The following FRY variants were observed in gnomAD, a reference collection of about 807,000 sequenced individuals.
FRY encodes protein furry homolog.
In FRY, 128 loss-of-function variants were observed where a neutral mutation model predicts 348.4. The ratio of observed to expected loss-of-function variants is 0.37; its 90% CI spans 0.32 to 0.43. The LOEUF is 0.43. Ranked by LOEUF, FRY falls within the 20% of genes least tolerant of loss-of-function variation. FRY has a pLI of 1.00. For synonymous variants in FRY, 1,370 were observed against 1,374.7 expected, an observed-to-expected ratio of 1.00 and a Z score of 0.08; for missense variants, 2,736 against 3,695.2, an observed-to-expected ratio of 0.74 and a Z score of 6.73.
At chr13:32,263,499 G>A (rs1429980505) in intron 53 of FRY, among the ~76,000 whole-genome samples, 2 of 151,668 alleles carry the variant, frequency 1.3e-5, no homozygotes, top group Non-Finnish European at 2.9e-5. Context: ...AGGATTCTTG[G>A]AATTAGCAGA....
intron 7 of FRY, among the ~76,000 whole-genome samples, chr13:32,126,459 C>T (rs1879024337): frequency 6.6e-6 from 1 of 152,190 alleles, no homozygotes. Context: ...TATGGTCCAC[C>T]AAGTCAGTGT....
chr13:32,238,053 A>T (rs895905802), intron 44 of FRY, 67 bp downstream of exon 44: 27 of 1,546,568 alleles, frequency 1.7e-5, no homozygotes, highest in Middle Eastern at 1.7e-4. Flanking sequence ...TGGTACAATA[A>T]GATAATATGA....
Position 32,262,308 on chromosome 13 carries a change from A to G in FRY, c.7618-6A>G, listed in dbSNP as rs754191807. 5.0e-6 allele frequency: 8 copies of G among 1,611,590 alleles called. No individual in the cohort carries two copies. The Admixed American group carries it at 1.0e-4, about 20-fold the overall frequency. ...CTATGTTTAATTTCCTTTGCTTTTT[A>G]AACAGATCATGACTCTCTCCCCCTC... On this transcript the variant is annotated splice_region_variant and splice_polypyrimidine_tract_variant and intron_variant, in intron 52 of 60. Coordinates refer to ENST00000542859, the MANE Select transcript of FRY (RefSeq NM_023037.3).
rs373703923 is a variant in FRY at position 32,278,440 on chromosome 13, A to G, written c.8386-25A>G. 5.9e-5 allele frequency: 75 copies of G among 1,266,494 alleles called. No individual in the cohort carries two copies. In the African/African-American group the frequency reaches 9.8e-4, roughly 17 times the overall value. 78.5% of individuals were successfully genotyped at this position (1,266,494 alleles called of 1,614,324 possible). ...TCTCAGAACATTGCTGAATTTACCT[A>G]TGTCTTTCCCTCTCTTTCTGACAGT... On this transcript the variant is annotated intron_variant, in intron 57 of 60. Transcript: ENST00000542859.
At chr13:32,145,543 T>TTTTTTTTGAGACGGAGTCTG (rs1880373063) in intron 11 of FRY, among the ~76,000 whole-genome samples, 1 of 140,376 alleles carries the variant, frequency 7.1e-6, no homozygotes. Context: ...TTTTTTTTTT[T>TTTTTTTTGAGACGGAGTCTG]TTTTTTTTTT....
At chr13:32,257,887 G>A in intron 51 of FRY, 2 of 1,228,928 alleles carry the variant, frequency 1.6e-6, no homozygotes, top group Non-Finnish European at 2.4e-6. Context: ...TAAGAGAAAT[G>A]TTCTTGAGTA....
At chr13:32,266,150 A>C (rs1476734911) in intron 54 of FRY, among the ~76,000 whole-genome samples, 1 of 152,240 alleles carries the variant, frequency 6.6e-6, no homozygotes, top group Admixed American at 6.5e-5. Context: ...ATAATGCTAC[A>C]GATCTACTTC....
chr13:32,208,143 CA>C (rs565479863), intron 31 of FRY, among the ~76,000 whole-genome samples: 317 of 152,362 alleles, frequency 2.1e-3, no homozygotes, highest in African/African-American at 7.4e-3. Flanking sequence ...ACAGGGGACA[CA>C]CAGCCCTTGG....
chr13:32,187,615 T>C lies in FRY; in HGVS notation c.3550T>C (p.Tyr1184His), dbSNP rs1237938851. Residue 1184 changes from tyrosine (Y) to histidine (H), a missense_variant, in exon 28 of 61, where the codon TAT (tyrosine) becomes CAT (histidine). Tyr to His is a moderately conservative substitution (Grantham distance 83, BLOSUM62 2). Transcript: ENST00000542859. The part of the protein sequence containing the change: ...NVGLSPDGYL[Y>H]KWLDNILACQ... ...GGGCCTTTCCCCAGATGGCTACCTA[T>C]ATAAATGGCTTGACAACATTCTGGC... is the stretch of plus-strand genomic sequence containing the variant. The C allele has an allele frequency of 6.2e-7, 1 of 1,611,812 alleles. No individual in the cohort carries two copies. The highest frequency in any genetic ancestry group is 1.3e-5 in the African/African-American group (1 of 75,006).
intron 1 of FRY, among the ~76,000 whole-genome samples, chr13:32,055,032 T>C (rs1873548064): frequency 6.6e-6 from 1 of 152,108 alleles, no homozygotes; most frequent in Non-Finnish European, 1.5e-5. Context: ...TGTTTTACTA[T>C]TTATTTCTTT....
intron 30 of FRY, 57 bp from the exon 31 acceptor site, chr13:32,202,299 T>A: frequency 7.9e-6 from 10 of 1,272,230 alleles, no homozygotes; most frequent in Non-Finnish European, 1.2e-5. Context: ...CAAATGCTCA[T>A]GAGATATCCA....
chr13:32,037,176 C>G (rs903554368), intron 1 of FRY, among the ~76,000 whole-genome samples: 2 of 152,014 alleles, frequency 1.3e-5, no homozygotes, highest in African/African-American at 4.8e-5. Context: ...GTTCTGTGCC[C>G]TATGATCATT....
At chr13:32,104,899 C>T (rs1684173514) in intron 3 of FRY, among the ~76,000 whole-genome samples, 1 of 152,126 alleles carries the variant, frequency 6.6e-6, no homozygotes, top group Non-Finnish European at 1.5e-5. Context: ...CCTCATTCAC[C>T]CCTGTGCCAT....
chr13:32,126,928 A>G (rs1233887995), intron 7 of FRY, among the ~76,000 whole-genome samples: 3 of 152,212 alleles, frequency 2.0e-5, no homozygotes, highest in Non-Finnish European at 4.4e-5. Context: ...TGCTTATTAA[A>G]TATTTTCCTG....
At chr13:32,073,721 ATGAG>A (rs1476136899) in intron 1 of FRY, among the ~76,000 whole-genome samples, 1 of 152,220 alleles carries the variant, frequency 6.6e-6, no homozygotes, top group Non-Finnish European at 1.5e-5. Context: ...GTTGAAATGA[ATGAG>A]TAAGTCAGTG....
chr13:32,208,727 G>T, intron 31 of FRY, 126 bp from the exon 32 acceptor site: 2 of 1,110,352 alleles, frequency 1.8e-6, no homozygotes, highest in Non-Finnish European at 1.4e-6. Flanking sequence ...GCCTTGGGGA[G>T]CTCCTGTATG....
chr13:32,207,410 T>C (rs1884419615), intron 31 of FRY, among the ~76,000 whole-genome samples: 1 of 152,204 alleles, frequency 6.6e-6, no homozygotes, highest in Non-Finnish European at 1.5e-5. Context: ...CTGTTTCCCT[T>C]GCCCCAGAGT....
chr13:32,063,471 AC>A (rs1256046060), intron 1 of FRY, among the ~76,000 whole-genome samples: 3 of 151,796 alleles, frequency 2.0e-5, no homozygotes, highest in African/African-American at 7.3e-5. Flanking sequence ...AGTAAGAACC[AC>A]ACTTTGCATT....
At chr13:32,053,326 G>A (rs1467922809) in intron 1 of FRY, among the ~76,000 whole-genome samples, 2 of 151,932 alleles carry the variant, frequency 1.3e-5, no homozygotes, top group Admixed American at 1.3e-4. Flanking sequence ...GTCTCTTACC[G>A]ACTATGCTTA....
Sources: allele counts gnomAD v4.1 joint callset (sites outside exome capture counted in the v4.1 genomes callset), GRCh38; gene constraint gnomAD v4.1.1; transcripts MANE v1.5; gene names NCBI Gene and HGNC (gene_info 2026-07-23, HGNC 2026-07-21).